The following WDR19 variants were observed in gnomAD, a reference collection of about 807,000 sequenced individuals.
WDR19 encodes the protein WD repeat domain 19.
A neutral mutation model predicts 180.0 loss-of-function variants in WDR19; 121 were observed. That is an observed-to-expected ratio of 0.67 (90% CI 0.58 to 0.78). The LOEUF is 0.78. Among genes scored for constraint, WDR19 ranks in the 30% least tolerant of loss-of-function variants. The pLI, the probability that WDR19 is intolerant of heterozygous loss-of-function variation, is 0.00. For missense variants in WDR19, 1,450 were observed against 1,640.7 expected (o/e 0.88, Z 2.01); for synonymous variants, 497 against 540.7 (o/e 0.92, Z 1.12).
At chr4:39,230,634 T>G (rs1471577259) in intron 17 of WDR19, among the ~76,000 whole-genome samples, 2 of 152,222 alleles carry the variant, frequency 1.3e-5, no homozygotes, top group Non-Finnish European at 2.9e-5. Flanking sequence ...TCTGTCAAAC[T>G]ATGCTATAGT....
intron 33 of WDR19, among the ~76,000 whole-genome samples, chr4:39,276,099 G>A (rs989261302): frequency 7.9e-5 from 12 of 152,132 alleles, no homozygotes; most frequent in African/African-American, 2.9e-4. Context: ...ACATTATGAC[G>A]AGACCCAGGT....
At position 39,274,858 on chromosome 4, in the gene WDR19, C is replaced by G; in HGVS notation, c.3616C>G (p.Leu1206Val). ...TGTGATTGAGTGTCACAGGGCAGGC[C>G]TGAAGAACTCTGCTTTCAGCTTCGC... ...STVIECHRAG[L>V]KNSAFSFAAM... The change falls in exon 33 of 37, where the codon CTG becomes GTG. Residue 1206 changes from leucine (L) to valine (V), a missense_variant. Coordinates refer to ENST00000399820, the MANE Select transcript of WDR19 (RefSeq NM_025132.4). 1 of 1,613,996 alleles carries G rather than the reference C, an allele frequency of 6.2e-7. No individual in the cohort carries two copies. Among genetic ancestry groups the G allele is most frequent in the Non-Finnish European group, 8.5e-7 (1 of 1,179,892 alleles).
intron 24 of WDR19, among the ~76,000 whole-genome samples, chr4:39,247,718 A>G (rs1732684687): frequency 6.6e-6 from 1 of 152,262 alleles, no homozygotes; most frequent in Non-Finnish European, 1.5e-5. Flanking sequence ...CACAAGCCTC[A>G]GTAACCGATG....
chr4:39,251,677 C>T (rs1577995509), intron 24 of WDR19, among the ~76,000 whole-genome samples: 2 of 151,982 alleles, frequency 1.3e-5, no homozygotes, highest in African/African-American at 4.8e-5. Context: ...AAAAAACAAC[C>T]CCATCAAAAA....
In WDR19 at chr4:39,266,094, A is replaced by G. The variant is rs1204925685; in HGVS notation, c.3215A>G (p.Asn1072Ser). 1.7e-5 allele frequency: 26 copies of G among 1,560,226 alleles called. No homozygotes were observed. In the South Asian group the frequency reaches 2.4e-4, roughly 14 times the overall value. The change falls in exon 29 of 37, where the codon AAT (asparagine) becomes AGT (serine). Residue 1072 changes from asparagine to serine, a missense_variant. Physicochemically the swap from Asn to Ser is conservative, Grantham distance 46 (BLOSUM62 1). Transcript: ENST00000399820. The stretch of plus-strand genomic sequence containing the variant: ...CAGGCCAAAGATGAACTGCTGACCA[A>G]TCAGCTGATAGACCATCTCCTGGGG... Reference protein sequence around the residue: ...VGQAKDELLTNQLIDHLLGEN... With the variant: ...VGQAKDELLTSQLIDHLLGEN...
intron 9 of WDR19, 163 bp downstream of exon 9, chr4:39,205,899 CAA>C (rs1727903319): frequency 1.5e-6 from 1 of 668,638 alleles, no homozygotes; most frequent in Non-Finnish European, 2.4e-6. Context: ...AAATATAAAA[CAA>C]AGTATAGTTG....
chr4:39,202,329 G>C (rs1277359869), intron 6 of WDR19, among the ~76,000 whole-genome samples: 1 of 151,974 alleles, frequency 6.6e-6, no homozygotes, highest in African/African-American at 2.4e-5. Context: ...TTTTTAGAAA[G>C]TACTTTGTAG....
intron 28 of WDR19, among the ~76,000 whole-genome samples, chr4:39,261,473 A>C (rs997466372): frequency 3.9e-5 from 6 of 152,240 alleles, no homozygotes; most frequent in African/African-American, 7.2e-5. Context: ...AAGAAGAAGA[A>C]GACGACTTGC....
intron 9 of WDR19, among the ~76,000 whole-genome samples, chr4:39,212,669 A>G (rs1728674722): frequency 1.3e-5 from 2 of 152,322 alleles, no homozygotes; most frequent in African/African-American, 4.8e-5. Flanking sequence ...GATAAGCTGC[A>G]AAATGAGAAA....
At chr4:39,185,263 G>A (rs1361692954) in intron 1 of WDR19, among the ~76,000 whole-genome samples, 1 of 152,114 alleles carries the variant, frequency 6.6e-6, no homozygotes, top group Non-Finnish European at 1.5e-5. Flanking sequence ...ATAACTAATG[G>A]AACTAATAGA....
chr4:39,244,653 C>A, intron 23 of WDR19, 101 bp downstream of exon 23: 2 of 1,264,920 alleles, frequency 1.6e-6, no homozygotes, highest in Non-Finnish European at 2.3e-6. Context: ...TCTGTCCATT[C>A]TGTTCCCCTA....
At chr4:39,262,472 C>T (rs1416563511) in intron 28 of WDR19, among the ~76,000 whole-genome samples, 2 of 152,078 alleles carry the variant, frequency 1.3e-5, no homozygotes, top group Admixed American at 1.3e-4. Context: ...AACTCCTAAG[C>T]TCAAGTGATC....
Position 39,214,628 on chromosome 4 carries a change from A to C in WDR19, c.918A>C (p.Leu306Phe). 1 of 1,580,648 alleles carries C rather than the reference A, an allele frequency of 6.3e-7. No homozygotes were observed. The highest frequency in any genetic ancestry group is 8.6e-7 in the Non-Finnish European group (1 of 1,160,868). The change falls in exon 10 of 37, where the codon TTA (leucine) becomes TTC (phenylalanine). Residue 306 changes from leucine (L) to phenylalanine (F), a missense_variant. Transcript: ENST00000399820. The stretch of plus-strand genomic sequence containing the variant: ...TTAAAATCCAAGACTTGGTTGACTT[A>C]AAAGACATGTATGTTATACTCAACC... Reference protein sequence around the residue: ...NCIKIQDLVDLKDMYVILNLD... With the variant: ...NCIKIQDLVDFKDMYVILNLD...
Position 39,232,169 on chromosome 4 carries a change from A to G in WDR19, c.2150A>G (p.Glu717Gly). 1 of 1,613,024 alleles carries G rather than the reference A, an allele frequency of 6.2e-7. No individual in the cohort carries two copies. Among genetic ancestry groups the G allele is most frequent in the Non-Finnish European group, 8.5e-7 (1 of 1,179,410 alleles). The change falls in exon 19 of 37, where the codon GAG becomes GGG. Residue 717 changes from glutamate to glycine, a missense_variant. By Grantham distance (98) the Glu-to-Gly change is moderately conservative. Transcript: ENST00000399820. ...VMSLEQIKGI[E>G]DYNLLAGHLA... ...AATTGCTTTTATTTGTAGGGAATAG[A>G]GGACTACAATCTTTTGGCAGGACAC...
At chr4:39,281,542 C>T (rs1736545698) in intron 36 of WDR19, among the ~76,000 whole-genome samples, 1 of 151,586 alleles carries the variant, frequency 6.6e-6, no homozygotes. Flanking sequence ...TTTTTTTTTC[C>T]AAGATTGTTT....
Position 39,234,796 on chromosome 4 carries a change from G to GCT in WDR19, c.2287_2288dup (p.Gln764TyrfsTer30). On this transcript the variant is annotated frameshift_variant, in exon 20 of 37. Coordinates refer to ENST00000399820, the MANE Select transcript of WDR19 (RefSeq NM_025132.4). LOFTEE classifies it high-confidence loss of function. Reference sequence around the variant, plus strand: ...AAGGGATTTACAGCATTGGGACAGTGCTCTACAACTGGCAAAGCATTTGGC... The same window carrying GCT: ...AAGGGATTTACAGCATTGGGACAGTGCTCTCTACAACTGGCAAAGCATTTGGC... The GCT allele has an allele frequency of 6.3e-7, 1 of 1,583,402 alleles. No homozygotes were observed. Among genetic ancestry groups the GCT allele is most frequent in the Non-Finnish European group, 8.6e-7 (1 of 1,163,520 alleles).
chr4:39,193,305 G>A (rs13123150), intron 4 of WDR19, among the ~76,000 whole-genome samples: 68,306 of 151,300 alleles, frequency 0.45, 18,548 homozygotes, highest in East Asian at 0.62. Context: ...GGGACTACAG[G>A]TGCATGCCAC....
intron 10 of WDR19, among the ~76,000 whole-genome samples, chr4:39,215,543 C>T (rs1728981335): frequency 6.6e-6 from 1 of 152,024 alleles, no homozygotes; most frequent in Non-Finnish European, 1.5e-5. Flanking sequence ...TGTGTAAGTA[C>T]ACTCTATGAT....
chr4:39,201,690 CTT>C (rs939427087), intron 6 of WDR19, among the ~76,000 whole-genome samples: 12 of 152,162 alleles, frequency 7.9e-5, no homozygotes, highest in African/African-American at 2.9e-4. Context: ...GCTCCCCTCT[CTT>C]GTGTCCATAT....
Sources: gnomAD v4.1 joint callset for allele counts (sites outside exome capture counted in the v4.1 genomes callset) on GRCh38, gnomAD v4.1.1 for gene constraint, MANE v1.5 for transcripts, NCBI Gene and HGNC (gene_info 2026-07-23, HGNC 2026-07-21) for gene names.